NOVA1: variants seen among roughly 807,000 people sequenced by gnomAD.
The protein encoded by NOVA1 is NOVA alternative splicing regulator 1.
A neutral mutation model predicts 38.0 loss-of-function variants in NOVA1; 7 were observed. The ratio of observed to expected loss-of-function variants is 0.18; its 90% CI spans 0.10 to 0.35. The LOEUF (loss-of-function observed/expected upper bound fraction) is 0.35, where lower values mean the gene tolerates loss of function less well. Ranked by LOEUF, NOVA1 falls within the 10% of genes least tolerant of loss-of-function variation. The pLI is 1.00. For missense variants in NOVA1, 460 were observed against 616.0 expected (o/e 0.75, Z 2.68); for synonymous variants, 270 against 232.5 (o/e 1.16, Z -1.47).
chr14:26,562,009 T>C (rs1458456694), intron 2 of NOVA1, among the ~76,000 whole-genome samples: 2 of 152,300 alleles, frequency 1.3e-5, no homozygotes, highest in East Asian at 1.9e-4. Context: ...CTCTTCACTC[T>C]ATAAGTTATA....
In NOVA1 at chr14:26,446,410, T is replaced by G. The variant is rs1012961881; in HGVS notation, c.*1549A>C. The G allele has an allele frequency of 6.5e-6, 1 of 152,678 alleles. No individual in the cohort carries two copies. Among genetic ancestry groups the G allele is most frequent in the Non-Finnish European group, 1.5e-5 (1 of 68,060 alleles). The allele number at this position is 152,678 out of a possible 1,614,324, so 9.5% of individuals were successfully genotyped here. On this transcript the variant is annotated 3_prime_UTR_variant, in exon 5 of 5. Transcript: ENST00000539517. ...ATCACACTCATTGTTCTTTAATTGG[T>G]TGCACAGAAAGGAGCAGCTGGGATG... is the stretch of plus-strand genomic sequence containing the variant.
chr14:26,533,448 C>G (rs1318126917), intron 2 of NOVA1, among the ~76,000 whole-genome samples: 1 of 152,096 alleles, frequency 6.6e-6, no homozygotes, highest in African/African-American at 2.4e-5. Context: ...ACATTATTAA[C>G]AGTCTATCAA....
intron 2 of NOVA1, among the ~76,000 whole-genome samples, chr14:26,529,422 G>A (rs1045676183): frequency 1.3e-5 from 2 of 152,146 alleles, no homozygotes; most frequent in Non-Finnish European, 2.9e-5. Context: ...ACAGGCATGA[G>A]TCACCACGCC....
intron 2 of NOVA1, among the ~76,000 whole-genome samples, chr14:26,480,497 T>C (rs1441778401): frequency 6.6e-6 from 1 of 152,064 alleles, no homozygotes; most frequent in African/African-American, 2.4e-5. Context: ...AACCCAGTTT[T>C]CAAAGAGCTT....
At chr14:26,449,738 C>T (rs1882472374) in intron 4 of NOVA1, among the ~76,000 whole-genome samples, 1 of 151,920 alleles carries the variant, frequency 6.6e-6, no homozygotes, top group Non-Finnish European at 1.5e-5. Flanking sequence ...GCTATCATTG[C>T]TACATTTTTA....
chr14:26,528,179 T>C (rs1566506599), intron 2 of NOVA1, among the ~76,000 whole-genome samples: 1 of 152,124 alleles, frequency 6.6e-6, no homozygotes, highest in African/African-American at 2.4e-5. Flanking sequence ...CCCTGGAAAA[T>C]CAGGGTGCTG....
intron 1 of NOVA1, chr14:26,596,945 C>A: frequency 8.3e-7 from 1 of 1,207,606 alleles, no homozygotes; most frequent in Non-Finnish European, 1.0e-6. Flanking sequence ...CGGCCATCAC[C>A]TCACTCCGGG....
At chr14:26,520,103 C>T (rs1173125438) in intron 2 of NOVA1, among the ~76,000 whole-genome samples, 2 of 152,228 alleles carry the variant, frequency 1.3e-5, no homozygotes, top group East Asian at 1.9e-4. Context: ...ATTGTTGATA[C>T]ATTAACATTT....
At chr14:26,585,042 A>G (rs902534714) in intron 2 of NOVA1, among the ~76,000 whole-genome samples, 1 of 151,464 alleles carries the variant, frequency 6.6e-6, no homozygotes, top group Non-Finnish European at 1.5e-5. Flanking sequence ...TACTTTTTAA[A>G]ATATAAATAA....
At chr14:26,474,733 A>C (rs1884843280) in intron 3 of NOVA1, among the ~76,000 whole-genome samples, 1 of 151,974 alleles carries the variant, frequency 6.6e-6, no homozygotes. Flanking sequence ...TAAACAAGTA[A>C]AAATTATGTA....
intron 4 of NOVA1, chr14:26,470,125 C>A: frequency 6.2e-6 from 4 of 648,474 alleles, no homozygotes; most frequent in Non-Finnish European, 8.0e-6. Flanking sequence ...GAATAGTTTT[C>A]TGTATTTTTT....
intron 2 of NOVA1, among the ~76,000 whole-genome samples, chr14:26,504,729 C>T (rs1195814888): frequency 6.6e-6 from 1 of 151,398 alleles, no homozygotes. Flanking sequence ...GCCCAATACA[C>T]AGTAGGTGTC....
At chr14:26,529,545 C>T (rs1594474078) in intron 2 of NOVA1, among the ~76,000 whole-genome samples, 1 of 152,168 alleles carries the variant, frequency 6.6e-6, no homozygotes. Context: ...TGAATGTATA[C>T]TTATAGGCCA....
chr14:26,535,269 C>A (rs1404948821), intron 2 of NOVA1, among the ~76,000 whole-genome samples: 1 of 152,042 alleles, frequency 6.6e-6, no homozygotes, highest in Non-Finnish European at 1.5e-5. Flanking sequence ...TATAAGAAAT[C>A]CTGGATATTA....
At chr14:26,540,438 C>T (rs1566519092) in intron 2 of NOVA1, among the ~76,000 whole-genome samples, 1 of 152,162 alleles carries the variant, frequency 6.6e-6, no homozygotes, top group East Asian at 1.9e-4. Context: ...CCAAAAAGGT[C>T]GGGGGCTGCT....
At position 26,487,435 on chromosome 14, in the gene NOVA1, A is replaced by G. The variant is rs533832899; in HGVS notation, c.281-7292T>C. On this transcript the variant is annotated intron_variant, in intron 2 of 4. Coordinates refer to ENST00000539517, the MANE Select transcript of NOVA1 (RefSeq NM_002515.3). ...TACAGAAGATATATAAATATGAATTATAATACATATATTTATATATTGTTA... is the reference window on the plus strand; with the variant it reads ...TACAGAAGATATATAAATATGAATTGTAATACATATATTTATATATTGTTA... 4.6e-5 allele frequency among the ~76,000 whole-genome samples: 7 copies of G among 152,208 alleles called. No individual in the cohort carries two copies. In the East Asian group the frequency reaches 1.2e-3, roughly 25 times the overall value.
intron 2 of NOVA1, among the ~76,000 whole-genome samples, chr14:26,530,066 C>A (rs565291371): frequency 6.6e-6 from 1 of 152,232 alleles, no homozygotes; most frequent in African/African-American, 2.4e-5. Flanking sequence ...ACTACAAGCA[C>A]CCGCCACCAC....
intron 4 of NOVA1, among the ~76,000 whole-genome samples, chr14:26,462,210 T>C (rs565320839): frequency 3.3e-5 from 5 of 152,264 alleles, no homozygotes; most frequent in African/African-American, 9.6e-5. Flanking sequence ...TAACCCTTCA[T>C]AGATTTAAGT....
intron 4 of NOVA1, chr14:26,471,961 T>A (rs185778551): frequency 7.4e-5 from 23 of 311,826 alleles, no homozygotes; most frequent in African/African-American, 4.9e-4. Context: ...TTTTTTTTTT[T>A]ACATATATGA....
Sources: allele counts gnomAD v4.1 joint callset (sites outside exome capture counted in the v4.1 genomes callset), GRCh38; gene constraint gnomAD v4.1.1; transcripts MANE v1.5; gene names NCBI Gene and HGNC (gene_info 2026-07-23, HGNC 2026-07-21).